Variants in HCK observed in about 807,000 individuals in gnomAD.
The protein encoded by HCK is HCK proto-oncogene, Src family tyrosine kinase.
In HCK, 40 loss-of-function variants were observed where a neutral mutation model predicts 70.4. That is an observed-to-expected ratio of 0.57 (90% CI 0.44 to 0.74). HCK has a LOEUF of 0.74. Among genes scored for constraint, HCK ranks in the 30% least tolerant of loss-of-function variants. The probability of loss-of-function intolerance (pLI) is 0.00; values close to 1 mark genes in which losing one functional copy is unlikely to be tolerated. For synonymous variants in HCK, 245 were observed against 263.2 expected, an observed-to-expected ratio of 0.93 and a Z score of 0.67; for missense variants, 568 against 697.2, an observed-to-expected ratio of 0.81 and a Z score of 2.09.
chr20:32,098,177 GA>G (rs1220710067), intron 11 of HCK, among the ~76,000 whole-genome samples: 7 of 151,956 alleles, frequency 4.6e-5, no homozygotes, highest in Non-Finnish European at 1.0e-4. Context: ...CCTGTAGCTG[GA>G]ACTACAGGCA....
intron 1 of HCK, among the ~76,000 whole-genome samples, chr20:32,063,831 A>T (rs941410957): frequency 1.3e-5 from 2 of 151,402 alleles, no homozygotes; most frequent in Non-Finnish European, 2.9e-5. Context: ...TTACTGGAAA[A>T]TCCCTGAGAT....
intron 1 of HCK, among the ~76,000 whole-genome samples, chr20:32,067,533 T>TG (rs1193033678): frequency 6.9e-6 from 1 of 144,506 alleles, no homozygotes; most frequent in Admixed American, 6.9e-5. Flanking sequence ...TGCTTTTACT[T>TG]TTTTTTTTTT....
At chr20:32,053,619 C>CAG (rs1176364190) in intron 1 of HCK, among the ~76,000 whole-genome samples, 1 of 112,936 alleles carries the variant, frequency 8.9e-6, no homozygotes, top group Non-Finnish European at 1.6e-5. Context: ...GCCTGGGCGA[C>CAG]AGAGAGAGAC....
In HCK at chr20:32,052,488, T is replaced by A; in HGVS notation, c.62+2T>A. 1.6e-6 allele frequency: 2 copies of A among 1,264,830 alleles called. No homozygotes were observed. The highest frequency in any genetic ancestry group is 3.2e-5 in the South Asian group (1 of 31,008). 78.4% of individuals were successfully genotyped at this position (1,264,830 alleles called of 1,614,324 possible). A position where few individuals can be genotyped will look rare whatever the true frequency, so the allele number is the denominator to read the frequency against. ...GCGAGACGAGGAGCGGGCGCCCAGGTGAGTGCCGCGCACAGGGGACCGGGA... is the reference window on the plus strand; with the variant it reads ...GCGAGACGAGGAGCGGGCGCCCAGGAGAGTGCCGCGCACAGGGGACCGGGA... On this transcript the variant is annotated splice_donor_variant, in intron 1 of 12. Coordinates refer to ENST00000375852, the MANE Select transcript of HCK (RefSeq NM_002110.5). LOFTEE classifies it high-confidence loss of function.
intron 1 of HCK, among the ~76,000 whole-genome samples, chr20:32,059,740 T>C (rs1403974537): frequency 6.6e-6 from 1 of 151,954 alleles, no homozygotes; most frequent in East Asian, 1.9e-4. Context: ...GGTCTTAAAT[T>C]CCTCGGCTCA....
At chr20:32,073,446 C>A in intron 3 of HCK, 85 bp downstream of exon 3, 1 of 1,223,318 alleles carries the variant, frequency 8.2e-7, no homozygotes, top group Non-Finnish European at 1.2e-6. Context: ...GGCATAAATC[C>A]CAAACAGTCA....
At chr20:32,057,451 T>A (rs954140534) in intron 1 of HCK, among the ~76,000 whole-genome samples, 1 of 151,928 alleles carries the variant, frequency 6.6e-6, no homozygotes, top group Non-Finnish European at 1.5e-5. Context: ...AGTACAAAAA[T>A]TAGCTGGGTG....
At chr20:32,085,814 C>T (rs2045777184) in intron 8 of HCK, among the ~76,000 whole-genome samples, 2 of 152,124 alleles carry the variant, frequency 1.3e-5, no homozygotes, top group South Asian at 4.1e-4. Context: ...ACTGAGTGAC[C>T]TGCAGGGTGA....
rs777578874 is a variant in HCK at position 32,073,467 on chromosome 20, G to A, written c.226+106G>A. ...AATCCCAAACAGTCAAACCCCTGTC[G>A]AGAATCCCCAAAATTTCCTCTGAAG... On this transcript the variant is annotated intron_variant, in intron 3 of 12. Transcript: ENST00000375852. 1.5e-5 allele frequency: 15 copies of A among 1,021,882 alleles called. No individual in the cohort carries two copies. The East Asian group carries it at 2.2e-4, about 15-fold the overall frequency. 63.3% of individuals were successfully genotyped at this position (1,021,882 alleles called of 1,614,324 possible). A position where few individuals can be genotyped will look rare whatever the true frequency, so the allele number is the denominator to read the frequency against.
At chr20:32,057,158 G>C (rs931370901) in intron 1 of HCK, among the ~76,000 whole-genome samples, 2 of 152,222 alleles carry the variant, frequency 1.3e-5, no homozygotes, top group African/African-American at 4.8e-5. Context: ...GCTGGGGGCT[G>C]CCCTGGGGGC....
intron 10 of HCK, among the ~76,000 whole-genome samples, chr20:32,090,764 G>A (rs1392731165): frequency 3.9e-5 from 6 of 152,246 alleles, no homozygotes; most frequent in Admixed American, 3.3e-4. Flanking sequence ...AAACCTACTC[G>A]TTATTCATTC....
chr20:32,075,496 C>A (rs919238584), intron 5 of HCK, among the ~76,000 whole-genome samples: 1 of 152,178 alleles, frequency 6.6e-6, no homozygotes. Flanking sequence ...AACCACTGCA[C>A]CTGGCCCATC....
At chr20:32,057,938 G>A (rs1187777260) in intron 1 of HCK, among the ~76,000 whole-genome samples, 1 of 152,148 alleles carries the variant, frequency 6.6e-6, no homozygotes, top group Non-Finnish European at 1.5e-5. Context: ...CTTGGCCCCG[G>A]CTGTGGTCCC....
chr20:32,070,786 G>T (rs2045524702), intron 1 of HCK, among the ~76,000 whole-genome samples: 1 of 151,926 alleles, frequency 6.6e-6, no homozygotes, highest in Admixed American at 6.6e-5. Context: ...TTAGAAAAGT[G>T]CCCAGTAAAT....
chr20:32,060,452 A>ATCAGGTGATCCGCCTGCTGACC, intron 1 of HCK, among the ~76,000 whole-genome samples: 1 of 152,194 alleles, frequency 6.6e-6, no homozygotes, highest in South Asian at 2.1e-4. Flanking sequence ...AACTCCTGAC[A>ATCAGGTGATCCGCCTGCTGACC]TCAGGTGATC....
chr20:32,088,714 G>T, intron 10 of HCK, 70 bp downstream of exon 10: 1 of 1,091,696 alleles, frequency 9.2e-7, no homozygotes, highest in South Asian at 1.3e-5. Context: ...AATATTTACT[G>T]ACCACATACT....
chr20:32,094,849 GA>G lies in HCK; in HGVS notation c.1246+837del, dbSNP rs1223924526. On this transcript the variant is annotated intron_variant, in intron 11 of 12. Coordinates refer to ENST00000375852, the MANE Select transcript of HCK (RefSeq NM_002110.5). ...AGAAAGAAAGAAAGAAAGAAAGAAA[GA>G]AAAGAAAGAAAGAGGCACAAGCCAA... 4.7e-4 allele frequency among the ~76,000 whole-genome samples: 64 copies of G among 135,706 alleles called. 1 individual carries two copies. Among genetic ancestry groups the G allele is most frequent in the South Asian group, 1.9e-3 (8 of 4,116 alleles). 89.0% of individuals were successfully genotyped at this position (135,706 alleles called of 152,430 possible).
intron 11 of HCK, among the ~76,000 whole-genome samples, chr20:32,098,538 AG>A (rs1165161200): frequency 2.6e-5 from 4 of 152,106 alleles, no homozygotes; most frequent in African/African-American, 9.7e-5. Flanking sequence ...ACTAGGTGGG[AG>A]GAAGGGCGGG....
intron 5 of HCK, among the ~76,000 whole-genome samples, chr20:32,075,526 C>T (rs371207239): frequency 1.3e-4 from 20 of 152,112 alleles, no homozygotes; most frequent in Admixed American, 1.2e-3. Flanking sequence ...ATTCATTCGA[C>T]AAGCACATGC....
Sources: allele counts gnomAD v4.1 joint callset (sites outside exome capture counted in the v4.1 genomes callset), GRCh38; gene constraint gnomAD v4.1.1; transcripts MANE v1.5; gene names NCBI Gene and HGNC (gene_info 2026-07-23, HGNC 2026-07-21).